SPIDR: variants seen among roughly 807,000 people sequenced by gnomAD.
SPIDR encodes the protein scaffold protein involved in DNA repair, also known as DNA repair-scaffolding protein.
Under a neutral mutation model 104.6 loss-of-function variants are expected in SPIDR, and 93 were observed. The observed-to-expected ratio is 0.89, with a 90% CI of 0.75 to 1.06. The LOEUF is 1.06. Among genes scored for constraint, SPIDR ranks in the 50% least tolerant of loss-of-function variants. SPIDR has a pLI of 0.00. For missense variants in SPIDR, 1,154 were observed against 1,111.2 expected, an observed-to-expected ratio of 1.04 and a Z score of -0.55; for synonymous variants, 431 against 416.9, an observed-to-expected ratio of 1.03 and a Z score of -0.41.
intron 5 of SPIDR, among the ~76,000 whole-genome samples, chr8:47,359,075 C>T (rs1321109581): frequency 6.6e-6 from 1 of 151,764 alleles, no homozygotes; most frequent in African/African-American, 2.4e-5. Flanking sequence ...TTCCCTCCCA[C>T]CAGTTAAAAA....
At chr8:47,298,416 T>C (rs1358987863) in intron 5 of SPIDR, among the ~76,000 whole-genome samples, 2 of 152,242 alleles carry the variant, frequency 1.3e-5, no homozygotes, top group Non-Finnish European at 2.9e-5. Flanking sequence ...CTGTTCACTC[T>C]GATGGTAGTT....
chr8:47,532,756 T>C (rs959060113), intron 8 of SPIDR, among the ~76,000 whole-genome samples: 1 of 152,222 alleles, frequency 6.6e-6, no homozygotes, highest in Non-Finnish European at 1.5e-5. Context: ...AAGGCATTGT[T>C]GAACTGAACA....
rs550225580 is a variant in SPIDR, at chr8:47,583,163, G to A, written c.1098-12648G>A. Among the ~76,000 whole-genome samples, 18 of 151,178 alleles carry A rather than the reference G, an allele frequency of 1.2e-4. No individual in the cohort carries two copies. The East Asian group carries it at 1.9e-3, about 16-fold the overall frequency. On this transcript the variant is annotated intron_variant, in intron 8 of 19. Coordinates refer to ENST00000297423, the MANE Select transcript of SPIDR (RefSeq NM_001080394.4). The stretch of plus-strand genomic sequence containing the variant: ...AATACAAAAAAAAAAAAAATTAGCC[G>A]GGCGTGGTGGCGGGCGCCTGTAGTC...
At chr8:47,611,998 CCTGG>C (rs1323001684) in intron 10 of SPIDR, among the ~76,000 whole-genome samples, 1 of 152,140 alleles carries the variant, frequency 6.6e-6, no homozygotes, top group Non-Finnish European at 1.5e-5. Flanking sequence ...TCCACACGTA[CCTGG>C]CCTGCCACCT....
At chr8:47,625,924 T>C (rs2066010343) in intron 10 of SPIDR, among the ~76,000 whole-genome samples, 1 of 152,164 alleles carries the variant, frequency 6.6e-6, no homozygotes, top group Non-Finnish European at 1.5e-5. Context: ...GAGCCCGCAT[T>C]GCCAAGTCAG....
At chr8:47,493,042 A>AGTGTGTGTGTGTGTGT (rs60518877) in intron 8 of SPIDR, among the ~76,000 whole-genome samples, 2 of 140,520 alleles carry the variant, frequency 1.4e-5, no homozygotes, top group South Asian at 2.4e-4. Context: ...AGAGAGAGTG[A>AGTGTGTGTGTGTGTGT]GTGTGTGTGT....
At chr8:47,531,037 A>G (rs2154384397) in intron 8 of SPIDR, among the ~76,000 whole-genome samples, 1 of 152,086 alleles carries the variant, frequency 6.6e-6, no homozygotes, top group African/African-American at 2.4e-5. Context: ...AAGCATTCCA[A>G]GTAGTTAGGA....
At position 47,605,664 on chromosome 8, in the gene SPIDR, C is replaced by T. The variant is rs1335744847; in HGVS notation, c.1544+6468C>T. On this transcript the variant is annotated intron_variant, in intron 10 of 19. Transcript: ENST00000297423. ...AGGGAGACTGGGGCAAATTGTGTTT[C>T]CTTGTCTGTGAAATTGGTATTATAA... Among the ~76,000 whole-genome samples the T allele has an allele frequency of 5.3e-5, 8 of 152,224 alleles. No homozygotes were observed. The East Asian group carries it at 1.4e-3, about 26-fold the overall frequency.
chr8:47,304,797 A>ATGGTATACATTAG (rs2042843935), intron 5 of SPIDR, among the ~76,000 whole-genome samples: 1 of 152,248 alleles, frequency 6.6e-6, no homozygotes, highest in African/African-American at 2.4e-5. Flanking sequence ...GTATACATTA[A>ATGGTATACATTAG]AAGAATGGTA....
At chr8:47,274,268 T>C (rs2035918730) in intron 1 of SPIDR, among the ~76,000 whole-genome samples, 1 of 152,238 alleles carries the variant, frequency 6.6e-6, no homozygotes, top group Admixed American at 6.5e-5. Flanking sequence ...TCATTGATTA[T>C]GATTTATTTA....
rs1563811314 is a variant in SPIDR at position 47,386,910 on chromosome 8, GAT to G, written c.526-9462_526-9461del. ...AGAGAGAAAGAGAGAGAGAGATATA[GAT>G]ATAGATATAGATATAGATATAGATA... On this transcript the variant is annotated intron_variant, in intron 5 of 19. Transcript: ENST00000297423. 1.0e-3 allele frequency among the ~76,000 whole-genome samples: 26 copies of G among 25,148 alleles called. 1 individual carries two copies. Among genetic ancestry groups the G allele is most frequent in the African/African-American group, 5.3e-3 (22 of 4,130 alleles). The allele number at this position is 25,148 out of a possible 152,430, so 16.5% of individuals were successfully genotyped here. A position where few individuals can be genotyped will look rare whatever the true frequency, so the allele number is the denominator to read the frequency against.
At chr8:47,505,927 T>A (rs1443081264) in intron 8 of SPIDR, among the ~76,000 whole-genome samples, 2 of 152,254 alleles carry the variant, frequency 1.3e-5, no homozygotes, top group Non-Finnish European at 2.9e-5. Context: ...AATTTCAGTG[T>A]ATGTAATTCC....
chr8:47,732,577 T>G (rs1484967297), intron 19 of SPIDR: 1 of 204,444 alleles, frequency 4.9e-6, no homozygotes, highest in African/African-American at 2.3e-5. Flanking sequence ...CCAGCTCTAT[T>G]CACAGTGGCT....
chr8:47,601,549 T>G (rs1428454370), intron 10 of SPIDR, among the ~76,000 whole-genome samples: 3 of 152,038 alleles, frequency 2.0e-5, no homozygotes, highest in African/African-American at 7.2e-5. Context: ...CGAAAATTAG[T>G]TGGGCATGGT....
At position 47,735,225 on chromosome 8, in the gene SPIDR, C is replaced by A. The variant is rs560780228; in HGVS notation, c.2605-82C>A. The A allele has an allele frequency of 3.6e-6, 5 of 1,394,830 alleles. No individual in the cohort carries two copies. The South Asian group carries it at 3.6e-5, about 10-fold the overall frequency. 86.4% of individuals were successfully genotyped at this position (1,394,830 alleles called of 1,614,324 possible). On this transcript the variant is annotated intron_variant, in intron 19 of 19. Transcript: ENST00000297423. ...TGGACTGGGGAAAGGGCCTTCCACT[C>A]TGGCTCTCTGGTTTTCCGTGTTGTT...
chr8:47,475,878 T>C (rs898241255), intron 8 of SPIDR, among the ~76,000 whole-genome samples: 2 of 152,220 alleles, frequency 1.3e-5, no homozygotes, highest in African/African-American at 2.4e-5. Context: ...TTTGATACAA[T>C]ATTATAACTG....
chr8:47,657,605 T>C (rs1563445765), intron 10 of SPIDR, among the ~76,000 whole-genome samples: 1 of 152,220 alleles, frequency 6.6e-6, no homozygotes. Flanking sequence ...AGTTGTGGTA[T>C]TGTACTATTG....
intron 8 of SPIDR, among the ~76,000 whole-genome samples, chr8:47,453,292 C>A (rs1554707458): frequency 6.6e-6 from 1 of 152,114 alleles, no homozygotes; most frequent in Non-Finnish European, 1.5e-5. Flanking sequence ...CCATACTGCC[C>A]AGGGTAATTT....
chr8:47,345,312 A>G (rs181585415), intron 5 of SPIDR, among the ~76,000 whole-genome samples: 347 of 152,242 alleles, frequency 2.3e-3, no homozygotes, highest in Non-Finnish European at 3.5e-3. Context: ...GTTTTGTTCC[A>G]TAGGTCTATA....
Sources: gnomAD v4.1 joint callset for allele counts (sites outside exome capture counted in the v4.1 genomes callset) on GRCh38, gnomAD v4.1.1 for gene constraint, MANE v1.5 for transcripts, NCBI Gene and HGNC (gene_info 2026-07-23, HGNC 2026-07-21) for gene names.